Variants in GGA1 observed in about 807,000 individuals in gnomAD.
GGA1 encodes ADP-ribosylation factor-binding protein GGA1.
Under a neutral mutation model 76.9 loss-of-function variants are expected in GGA1, and 18 were observed. The observed-to-expected ratio is 0.23, with a 90% CI of 0.16 to 0.35. The LOEUF (loss-of-function observed/expected upper bound fraction) is 0.35, where lower values mean the gene tolerates loss of function less well. Among genes scored for constraint, GGA1 ranks in the 10% least tolerant of loss-of-function variants. The pLI is 1.00. For missense variants in GGA1, 755 were observed against 859.0 expected (o/e 0.88, Z 1.51); for synonymous variants, 342 against 354.7 (o/e 0.96, Z 0.40).
At chr22:37,614,067 G>A (rs958202033) in intron 1 of GGA1, 123 bp from the exon 2 acceptor site, 6 of 722,146 alleles carry the variant, frequency 8.3e-6, no homozygotes, top group Admixed American at 1.9e-5. Flanking sequence ...GGCAGGGGGA[G>A]AGCTTTCCCA....
intron 1 of GGA1, 26 bp downstream of exon 1, chr22:37,608,929 C>T: frequency 7.6e-7 from 1 of 1,321,692 alleles, no homozygotes; most frequent in Non-Finnish European, 9.7e-7. Flanking sequence ...GGGCGCGGGC[C>T]GGACCGGAAC....
intron 4 of GGA1, chr22:37,619,963 T>C: frequency 1.6e-6 from 1 of 638,776 alleles, no homozygotes. Context: ...GAGCCGACTA[T>C]GAGCAGGCCT....
Position 37,617,743 on chromosome 22 carries a change from TC to T in GGA1, c.205-704del. ...TTACATATTTGTTTTAACATTTTTT[TC>T]TCAAGTATAACTAGTCCTATGATTT... On this transcript the variant is annotated intron_variant, in intron 3 of 16. Transcript: ENST00000343632. 3.5e-6 allele frequency: 3 copies of T among 858,538 alleles called. No individual in the cohort carries two copies. In the Middle Eastern group the frequency reaches 1.8e-3, roughly 512 times the overall value. The allele number at this position is 858,538 out of a possible 1,614,324, so 53.2% of individuals were successfully genotyped here.
chr22:37,613,224 T>C, intron 1 of GGA1: 1 of 933,528 alleles, frequency 1.1e-6, no homozygotes, highest in Non-Finnish European at 1.3e-6. Flanking sequence ...AGGCCCCTCA[T>C]TCTCTGCCTC....
intron 3 of GGA1, chr22:37,617,545 C>T (rs772988884): frequency 3.1e-5 from 31 of 987,774 alleles, no homozygotes; most frequent in East Asian, 1.1e-4. Flanking sequence ...TTAATACTTA[C>T]GTGTTTAGTT....
chr22:37,617,639 C>A, intron 3 of GGA1: 1 of 681,920 alleles, frequency 1.5e-6, no homozygotes, highest in Non-Finnish European at 1.8e-6. Context: ...TTCAAGGCTA[C>A]AGTGAGCTAT....
chr22:37,620,219 C>T lies in GGA1; in HGVS notation c.304-19C>T. The T allele has an allele frequency of 6.2e-7, 1 of 1,613,540 alleles. No individual in the cohort carries two copies. The highest frequency in any genetic ancestry group is 8.5e-7 in the Non-Finnish European group (1 of 1,179,560). On this transcript the variant is annotated intron_variant, in intron 4 of 16. Transcript: ENST00000343632. ...TGGGGCTGGGCAGTATCAAAGGCCTCCCCACTGTGTCCCTGAAGTATCTGG... is the reference window on the plus strand; with the variant it reads ...TGGGGCTGGGCAGTATCAAAGGCCTTCCCACTGTGTCCCTGAAGTATCTGG...
At chr22:37,617,802 G>A (rs4456799) in intron 3 of GGA1, 921,384 of 959,266 alleles carry the variant, frequency 0.96, 442,587 homozygotes, top group East Asian at 1. Context: ...GCCAAGGTAG[G>A]TGTTGCCTAT....
chr22:37,631,412 T>C (rs1283355042), intron 14 of GGA1, among the ~76,000 whole-genome samples: 3 of 152,074 alleles, frequency 2.0e-5, no homozygotes, highest in Non-Finnish European at 4.4e-5. Context: ...CTCCCCCAGA[T>C]TACAGAACTG....
At chr22:37,630,812 C>A in intron 13 of GGA1, 91 bp from the exon 14 acceptor site, 1 of 868,692 alleles carries the variant, frequency 1.2e-6, no homozygotes, top group Non-Finnish European at 1.9e-6. Flanking sequence ...AAGCGATCTG[C>A]CCGCCTCAGC....
chr22:37,617,879 T>C, intron 3 of GGA1: 2 of 448,732 alleles, frequency 4.5e-6, no homozygotes, highest in Non-Finnish European at 5.9e-6. Context: ...CCCAGCACTT[T>C]GGCAGGCTGA....
rs1029458939 is a variant in GGA1, at chr22:37,618,296, C to G, written c.205-152C>G. 2.2e-5 allele frequency: 13 copies of G among 604,474 alleles called. No homozygotes were observed. In the African/African-American group the frequency reaches 2.2e-4, roughly 10 times the overall value. 37.4% of individuals were successfully genotyped at this position (604,474 alleles called of 1,614,324 possible). A position where few individuals can be genotyped will look rare whatever the true frequency, so the allele number is the denominator to read the frequency against. The stretch of plus-strand genomic sequence containing the variant: ...TGGGAGTGATGACCAGTCCCAGAGG[C>G]CTGTGTGACTCTGAATCTTCCAACC... On this transcript the variant is annotated intron_variant, in intron 3 of 16. Coordinates refer to ENST00000343632, the MANE Select transcript of GGA1 (RefSeq NM_013365.5).
At chr22:37,622,634 G>A (rs753809246) in intron 7 of GGA1, among the ~76,000 whole-genome samples, 5 of 152,080 alleles carry the variant, frequency 3.3e-5, no homozygotes, top group Non-Finnish European at 7.4e-5. Flanking sequence ...AAACTAGTCT[G>A]TAACTCCTGG....
chr22:37,620,029 C>T (rs1162662614), intron 4 of GGA1: 1 of 632,486 alleles, frequency 1.6e-6, no homozygotes, highest in Admixed American at 2.7e-5. Context: ...GGTGGGGAAA[C>T]AGACACTGAG....
rs746445158 is a variant in GGA1 at position 37,632,400 on chromosome 22, C to G, written c.1699-5C>G. Reference sequence around the variant, plus strand: ...AGCTGTGCCCATCCTGCCATCTGCCCACAGGTTATGAAGGTGAAGCTGCAG... The same window carrying G: ...AGCTGTGCCCATCCTGCCATCTGCCGACAGGTTATGAAGGTGAAGCTGCAG... On this transcript the variant is annotated splice_region_variant and splice_polypyrimidine_tract_variant and intron_variant, in intron 15 of 16. Coordinates refer to ENST00000343632, the MANE Select transcript of GGA1 (RefSeq NM_013365.5). This position sits in a 1 kb window ranked among gnomAD's most constrained non-coding sequence, Gnocchi z 5.1. 7.5e-6 allele frequency: 12 copies of G among 1,599,824 alleles called. No individual in the cohort carries two copies. In the East Asian group the frequency reaches 2.5e-4, roughly 33 times the overall value.
At chr22:37,614,382 C>T in intron 2 of GGA1, 108 bp downstream of exon 2, 1 of 766,876 alleles carries the variant, frequency 1.3e-6, no homozygotes, top group African/African-American at 1.7e-5. Flanking sequence ...TGAACGTATT[C>T]ACAAAGTGAT....
In GGA1 at chr22:37,632,006, G is replaced by C. The variant is rs766797237; in HGVS notation, c.1539G>C (p.Leu513=). 1 of 1,609,718 alleles carries C rather than the reference G, an allele frequency of 6.2e-7. No individual in the cohort carries two copies. The highest frequency in any genetic ancestry group is 2.2e-5 in the East Asian group (1 of 44,822). The change falls in exon 15 of 17, where the codon CTG becomes CTC. Residue 513 remains leucine, a synonymous_variant. Transcript: ENST00000343632. This position sits in a 1 kb window ranked among gnomAD's most constrained non-coding sequence, Gnocchi z 5.1. ...PLESIKPSNI[L]PVTVYDQHGF... is the part of the protein sequence containing the mutation. ...CACCTTCTCCCACAGGCAACATCCTGCCCGTGACTGTGTATGACCAGCACG... is the reference window on the plus strand; with the variant it reads ...CACCTTCTCCCACAGGCAACATCCTCCCCGTGACTGTGTATGACCAGCACG...
At chr22:37,630,636 G>A (rs539138686) in intron 13 of GGA1, 7 of 512,472 alleles carry the variant, frequency 1.4e-5, no homozygotes, top group South Asian at 5.1e-5. Flanking sequence ...GCATGATCTC[G>A]GCTCACTGCA....
At position 37,632,872 on chromosome 22, in the gene GGA1, C is replaced by G. The variant is rs535132779; in HGVS notation, c.*161C>G. The G allele has an allele frequency of 5.0e-6, 3 of 604,564 alleles. No homozygotes were observed. Among genetic ancestry groups the G allele is most frequent in the East Asian group, 2.8e-5 (1 of 36,136 alleles). The allele number at this position is 604,564 out of a possible 1,614,324, so 37.4% of individuals were successfully genotyped here. ...TGTAGGCCTCAAGTGACTCTTCCCC[C>G]TCCTGCTCCGGCCCCGCCCCTGCTG... On this transcript the variant is annotated 3_prime_UTR_variant, in exon 17 of 17. Coordinates refer to ENST00000343632, the MANE Select transcript of GGA1 (RefSeq NM_013365.5). This position sits in a 1 kb window ranked among gnomAD's most constrained non-coding sequence, Gnocchi z 5.1.
Sources: allele counts gnomAD v4.1 joint callset (sites outside exome capture counted in the v4.1 genomes callset), GRCh38; gene constraint gnomAD v4.1.1; non-coding constraint Gnocchi (gnomAD v3.1); transcripts MANE v1.5; gene names NCBI Gene and HGNC (gene_info 2026-07-23, HGNC 2026-07-21).